The following ARHGAP35 variants were observed in gnomAD, a reference collection of about 807,000 sequenced individuals.
The protein encoded by ARHGAP35 is Rho GTPase activating protein 35.
Under a neutral mutation model 111.1 loss-of-function variants are expected in ARHGAP35, and 15 were observed. The observed-to-expected ratio is 0.13, with a 90% confidence interval of 0.09 to 0.21. The LOEUF is 0.21. ARHGAP35 is among the 10% of genes least tolerant of loss of function. The probability of loss-of-function intolerance (pLI) is 1.00; values close to 1 mark genes in which losing one functional copy is unlikely to be tolerated. For synonymous variants in ARHGAP35, 643 were observed against 710.3 expected (o/e 0.91, Z 1.51); for missense variants, 1,262 against 1,873.0 (o/e 0.67, Z 6.02).
chr19:46,983,699 C>T (rs1306992327), intron 3 of ARHGAP35, among the ~76,000 whole-genome samples: 1 of 150,176 alleles, frequency 6.7e-6, no homozygotes, highest in African/African-American at 2.5e-5. Flanking sequence ...CCGCAAGCTC[C>T]GCCTCCCAGG....
At chr19:46,868,671 TTGG>T (rs1289732018) in intron 1 of ARHGAP35, among the ~76,000 whole-genome samples, 1 of 152,198 alleles carries the variant, frequency 6.6e-6, no homozygotes, top group Non-Finnish European at 1.5e-5. Flanking sequence ...GTAGAGATGT[TTGG>T]TCATGTAATG....
rs201154399 is a variant in ARHGAP35, at chr19:46,905,555, A to ACCC, written c.-188-12923_-188-12921dup. Among the ~76,000 whole-genome samples, 4 of 103,896 alleles carry ACCC rather than the reference A, an allele frequency of 3.9e-5. 1 individual carries two copies. The highest frequency in any genetic ancestry group is 3.6e-4 in the East Asian group (1 of 2,776). The allele number at this position is 103,896 out of a possible 152,430, so 68.2% of individuals were successfully genotyped here. Reference sequence around the variant, plus strand: ...CGCGCCCAGCTAATTTTTGTATTCCACCCCCCCCCCCCAAGACAGAGTCTT... The same window carrying ACCC: ...CGCGCCCAGCTAATTTTTGTATTCCACCCCCCCCCCCCCCCAAGACAGAGTCTT... On this transcript the variant is annotated intron_variant, in intron 1 of 6. Transcript: ENST00000672722.
chr19:46,920,004 T>C lies in ARHGAP35; in HGVS notation c.1329T>C (p.Ser443=). Residue 443 remains serine (S), a synonymous_variant, in exon 2 of 7, where the codon TCT becomes TCC. Transcript: ENST00000672722. This position sits in a 1 kb window ranked among gnomAD's most constrained non-coding sequence, Gnocchi z 7.0. ...RRAFKENLET[S]PFITPGKPWE... ...CGTTTAAAGAAAACCTGGAGACTTC[T>C]CCTTTCATAACTCCCGGAAAGCCTT... 1 of 1,614,000 alleles carries C rather than the reference T, an allele frequency of 6.2e-7. No individual in the cohort carries two copies. The highest frequency in any genetic ancestry group is 1.3e-5 in the African/African-American group (1 of 75,054).
chr19:46,983,779 A>G (rs2056634084), intron 3 of ARHGAP35, among the ~76,000 whole-genome samples: 1 of 151,648 alleles, frequency 6.6e-6, no homozygotes, highest in African/African-American at 2.4e-5. Flanking sequence ...ATGCCTGGCT[A>G]ATTTTTTTTG....
chr19:46,883,584 T>G lies in ARHGAP35; in HGVS notation c.-189+22375T>G, dbSNP rs1474396477. Among the ~76,000 whole-genome samples, 4 of 152,078 alleles carry G rather than the reference T, an allele frequency of 2.6e-5. No individual in the cohort carries two copies. The East Asian group carries it at 7.7e-4, about 29-fold the overall frequency. On this transcript the variant is annotated intron_variant, in intron 1 of 6. Coordinates refer to ENST00000672722, the MANE Select transcript of ARHGAP35 (RefSeq NM_004491.5). ...ACAGATGACCATAATAGAATAATAA[T>G]GGAAAAGTTTGAAATATTGCAAGAA...
At chr19:46,968,351 G>A (rs941291252) in intron 3 of ARHGAP35, among the ~76,000 whole-genome samples, 1 of 152,184 alleles carries the variant, frequency 6.6e-6, no homozygotes, top group East Asian at 1.9e-4. Context: ...AAATGGGCTT[G>A]GACAGAAGGA....
chr19:46,988,453 C>CCG lies in ARHGAP35; in HGVS notation c.3904+387_3904+388insCG. ...ATGTGATCCTGTTTTGCCAGGGCCT[C>CCG]AGATCTACCCTCCTCACAAAGTCCC... is the stretch of plus-strand genomic sequence containing the variant. On this transcript the variant is annotated intron_variant, in intron 4 of 6. Coordinates refer to ENST00000672722, the MANE Select transcript of ARHGAP35 (RefSeq NM_004491.5). The surrounding 1 kb of genome is among the most constrained non-coding windows in gnomAD (Gnocchi z 5.4). The CCG allele has an allele frequency of 1.7e-4, 37 of 211,622 alleles. No homozygotes were observed. The East Asian group carries it at 2.2e-3, about 13-fold the overall frequency. 13.1% of individuals were successfully genotyped at this position (211,622 alleles called of 1,614,324 possible). A position where few individuals can be genotyped will look rare whatever the true frequency, so the allele number is the denominator to read the frequency against.
intron 2 of ARHGAP35, 144 bp from the exon 3 acceptor site, chr19:46,937,120 A>G (rs536415944): frequency 1.9e-6 from 2 of 1,030,052 alleles, no homozygotes; most frequent in Admixed American, 2.6e-5. Flanking sequence ...GAATACAGGC[A>G]TGAGTCACCG....
intron 3 of ARHGAP35, among the ~76,000 whole-genome samples, chr19:46,939,222 A>G (rs977375892): frequency 6.6e-6 from 1 of 151,238 alleles, no homozygotes; most frequent in African/African-American, 2.4e-5. Context: ...TGATCCTCCT[A>G]CCTTGGCCTC....
chr19:46,888,816 ACT>A (rs916503762), intron 1 of ARHGAP35, among the ~76,000 whole-genome samples: 7 of 139,146 alleles, frequency 5.0e-5, no homozygotes, highest in Non-Finnish European at 9.2e-5. Flanking sequence ...ACACGGTGAA[ACT>A]CTGTCTCTAC....
intron 5 of ARHGAP35, among the ~76,000 whole-genome samples, chr19:46,991,564 C>T (rs2056679415): frequency 6.6e-6 from 1 of 152,218 alleles, no homozygotes; most frequent in Admixed American, 6.5e-5. Context: ...AGGTTTCCCA[C>T]TTCCTCTTCC....
chr19:46,875,240 G>A (rs563242722), intron 1 of ARHGAP35, among the ~76,000 whole-genome samples: 4 of 151,004 alleles, frequency 2.6e-5, no homozygotes, highest in East Asian at 1.9e-4. Flanking sequence ...TTCTGTTGTC[G>A]GGGAGAGTAA....
intron 1 of ARHGAP35, among the ~76,000 whole-genome samples, chr19:46,889,906 C>T (rs1038320731): frequency 6.6e-6 from 1 of 152,094 alleles, no homozygotes; most frequent in African/African-American, 2.4e-5. Flanking sequence ...CATGGCTAGA[C>T]GTGCAGATTC....
rs752991632 is a variant in ARHGAP35, at chr19:46,988,105, G to A, written c.3904+39G>A. 18 of 1,593,514 alleles carry A rather than the reference G, an allele frequency of 1.1e-5. No homozygotes were observed. The highest frequency in any genetic ancestry group is 2.2e-5 in the South Asian group (2 of 89,524). On this transcript the variant is annotated intron_variant, in intron 4 of 6. Coordinates refer to ENST00000672722, the MANE Select transcript of ARHGAP35 (RefSeq NM_004491.5). This position sits in a 1 kb window ranked among gnomAD's most constrained non-coding sequence, Gnocchi z 5.4. ...TGGCCAGGCATCCGAGGCCAGAGCT[G>A]GTCAAGGCAGACACAGCTGCCTCGG... is the stretch of plus-strand genomic sequence containing the variant.
In ARHGAP35 at chr19:46,863,229, G is replaced by A. The variant is rs140280636; in HGVS notation, c.-189+2020G>A. Among the ~76,000 whole-genome samples the A allele has an allele frequency of 1.8e-3, 268 of 152,244 alleles. 1 individual carries two copies. The Middle Eastern group carries it at 0.02, about 12-fold the overall frequency. Reference sequence around the variant, plus strand: ...CTCTGCTGCAGAGGCAAAGGGGCTGGATTGGGCCTTAGGCTCTCCAGGCTC... The same window carrying A: ...CTCTGCTGCAGAGGCAAAGGGGCTGAATTGGGCCTTAGGCTCTCCAGGCTC... On this transcript the variant is annotated intron_variant, in intron 1 of 6. Transcript: ENST00000672722.
intron 1 of ARHGAP35, among the ~76,000 whole-genome samples, chr19:46,909,221 T>G (rs962750503): frequency 6.6e-6 from 1 of 152,208 alleles, no homozygotes; most frequent in African/African-American, 2.4e-5. Flanking sequence ...CAGAATTGCC[T>G]GAGCCTTGAA....
intron 3 of ARHGAP35, among the ~76,000 whole-genome samples, chr19:46,983,140 G>A (rs989112509): frequency 3.0e-4 from 40 of 134,076 alleles, no homozygotes; most frequent in Admixed American, 2.2e-3. Context: ...TGGAGCCCCC[G>A]CACCTGCACC....
chr19:46,864,255 G>GT (rs2055844045), intron 1 of ARHGAP35, among the ~76,000 whole-genome samples: 1 of 150,934 alleles, frequency 6.6e-6, no homozygotes, highest in African/African-American at 2.5e-5. Flanking sequence ...CTATGGTTGT[G>GT]GGGGGGTATT....
At chr19:46,978,626 CTG>C (rs776059250) in intron 3 of ARHGAP35, among the ~76,000 whole-genome samples, 52 of 46,798 alleles carry the variant, frequency 1.1e-3, no homozygotes, top group Admixed American at 2.5e-3. Context: ...TGTGGTAGGG[CTG>C]TGTGTGCGGT....
Sources: allele counts gnomAD v4.1 joint callset (sites outside exome capture counted in the v4.1 genomes callset), GRCh38; gene constraint gnomAD v4.1.1; non-coding constraint Gnocchi (gnomAD v3.1); transcripts MANE v1.5; gene names NCBI Gene and HGNC (gene_info 2026-07-23, HGNC 2026-07-21).